The following LRTM1 variants were observed in gnomAD, a reference collection of about 807,000 sequenced individuals.
LRTM1 encodes leucine rich repeat transmembrane protein 1, also known as leucine-rich repeat and transmembrane domain-containing protein 1.
A neutral mutation model predicts 32.4 loss-of-function variants in LRTM1; 38 were observed. That is an observed-to-expected ratio of 1.17 (90% CI 0.91 to 1.54). The LOEUF is 1.54. Among genes scored for constraint, LRTM1 ranks in the 40% most tolerant of loss-of-function variants. LRTM1 has a pLI of 0.00. For missense variants in LRTM1, 466 were observed against 415.4 expected (o/e 1.12, Z -1.06); for synonymous variants, 186 against 169.9 (o/e 1.09, Z -0.74).
At chr3:54,955,102 C>T (rs1424781628) in intron 1 of LRTM1, among the ~76,000 whole-genome samples, 5 of 152,256 alleles carry the variant, frequency 3.3e-5, no homozygotes, top group South Asian at 4.2e-4. Context: ...ATTATTCGAA[C>T]GTACGTAACA....
intron 1 of LRTM1, among the ~76,000 whole-genome samples, chr3:54,944,814 GGTGTGTGTGT>G (rs34193625): frequency 9.0e-6 from 1 of 111,360 alleles, no homozygotes; most frequent in Admixed American, 8.2e-5. Context: ...TAGAGCTGGG[GGTGTGTGTGT>G]GTGTGTGTGT....
At chr3:54,926,996 C>T (rs1309326243) in intron 1 of LRTM1, among the ~76,000 whole-genome samples, 1 of 152,132 alleles carries the variant, frequency 6.6e-6, no homozygotes, top group Non-Finnish European at 1.5e-5. Context: ...CAAAATATGA[C>T]AAACATCTGC....
intron 1 of LRTM1, among the ~76,000 whole-genome samples, chr3:54,926,325 C>T (rs1701016178): frequency 6.6e-6 from 1 of 152,100 alleles, no homozygotes; most frequent in Admixed American, 6.6e-5. Context: ...GGAAGCTAGG[C>T]ACAGAAAAGC....
At chr3:54,936,590 T>C (rs900987667) in intron 1 of LRTM1, among the ~76,000 whole-genome samples, 1 of 152,146 alleles carries the variant, frequency 6.6e-6, no homozygotes, top group Non-Finnish European at 1.5e-5. Context: ...ATAGTGATGT[T>C]CTCATCTTTT....
At chr3:54,943,217 A>AAC (rs1701522199) in intron 1 of LRTM1, among the ~76,000 whole-genome samples, 1 of 151,082 alleles carries the variant, frequency 6.6e-6, no homozygotes, top group Non-Finnish European at 1.5e-5. Flanking sequence ...AAAAAAAAAA[A>AAC]TGAGAATAAT....
chr3:54,919,085 C>T (rs949684422), intron 2 of LRTM1, among the ~76,000 whole-genome samples, 193 bp from the exon 3 acceptor site: 2 of 151,768 alleles, frequency 1.3e-5, no homozygotes, highest in Non-Finnish European at 2.9e-5. Context: ...CTAAAAATGC[C>T]ACACACTAAA....
intron 1 of LRTM1, among the ~76,000 whole-genome samples, chr3:54,927,661 A>G (rs1220767674): frequency 6.6e-6 from 1 of 152,182 alleles, no homozygotes; most frequent in African/African-American, 2.4e-5. Flanking sequence ...CATGTTTCCT[A>G]TGAAATGGCC....
intron 1 of LRTM1, among the ~76,000 whole-genome samples, chr3:54,948,760 A>G: frequency 6.6e-6 from 1 of 152,228 alleles, no homozygotes; most frequent in Non-Finnish European, 1.5e-5. Context: ...TATGTGACAG[A>G]TCTCTATACA....
Position 54,918,853 on chromosome 3 carries a change from G to A in LRTM1, c.644C>T (p.Thr215Ile). The A allele has an allele frequency of 6.4e-7, 1 of 1,569,976 alleles. No individual in the cohort carries two copies. Among genetic ancestry groups the A allele is most frequent in the Admixed American group, 1.8e-5 (1 of 54,520 alleles). ...CCTAAGGAGGTCCTTTCCCTTCCAG[G>A]TGTCTGGTGATTCACAGATGATGCC... ...TDGIICESPD[T>I]WKGKDLLRIP... Residue 215 changes from threonine to isoleucine, a missense_variant, in exon 3 of 3, where the codon ACC (threonine) becomes ATC (isoleucine). Coordinates refer to ENST00000273286, the MANE Select transcript of LRTM1 (RefSeq NM_020678.4).
chr3:54,944,814 GGTGT>G lies in LRTM1; in HGVS notation c.-221-19603_-221-19600del, dbSNP rs34193625. On this transcript the variant is annotated intron_variant, in intron 1 of 2. Coordinates refer to the LRTM1 transcript ENST00000493075. ...TATATTGACTGTAGTTAGAGCTGGGGGTGTGTGTGTGTGTGTGTGTGTGTGTGTT... is the reference window on the plus strand; with the variant it reads ...TATATTGACTGTAGTTAGAGCTGGGGGTGTGTGTGTGTGTGTGTGTGTGTT... 6.3e-5 allele frequency among the ~76,000 whole-genome samples: 7 copies of G among 111,378 alleles called. No individual in the cohort carries two copies. The Middle Eastern group carries it at 0.014, about 215-fold the overall frequency. 73.1% of individuals were successfully genotyped at this position (111,378 alleles called of 152,430 possible). A position where few individuals can be genotyped will look rare whatever the true frequency, so the allele number is the denominator to read the frequency against.
At chr3:54,947,346 A>G (rs1701641940) in intron 1 of LRTM1, among the ~76,000 whole-genome samples, 1 of 152,148 alleles carries the variant, frequency 6.6e-6, no homozygotes, top group Admixed American at 6.5e-5. Context: ...ATGCAAACCT[A>G]AGAGACAGAA....
intron 2 of LRTM1, among the ~76,000 whole-genome samples, chr3:54,921,333 C>G (rs1432758185): frequency 6.6e-6 from 1 of 152,110 alleles, no homozygotes; most frequent in Non-Finnish European, 1.5e-5. Context: ...AATTCACTTC[C>G]CAAGATTGCT....
chr3:54,937,349 A>G (rs973736535), intron 1 of LRTM1, among the ~76,000 whole-genome samples: 6 of 152,288 alleles, frequency 3.9e-5, no homozygotes, highest in African/African-American at 7.2e-5. Context: ...TTATACCACT[A>G]TGCAAATACA....
intron 2 of LRTM1, among the ~76,000 whole-genome samples, chr3:54,920,804 C>T (rs1700823840): frequency 6.6e-6 from 1 of 152,232 alleles, no homozygotes; most frequent in Non-Finnish European, 1.5e-5. Flanking sequence ...CATCAGCTGA[C>T]TTCCACCTTG....
chr3:54,964,345 C>A (rs1407058157), intron 1 of LRTM1, among the ~76,000 whole-genome samples: 1 of 152,108 alleles, frequency 6.6e-6, no homozygotes, highest in Admixed American at 6.5e-5. Flanking sequence ...GCACTGTGAC[C>A]TCCGGGGAAA....
rs180976939 is a variant in LRTM1 at position 54,944,391 on chromosome 3, C to T, written c.-221-19176G>A. On this transcript the variant is annotated intron_variant, in intron 1 of 2. Transcript: ENST00000493075. Reference sequence around the variant, plus strand: ...TTTTGACTGTTTTATTTTAAATTTCCCAGGGTATTTATTTATTTATTTATT... The same window carrying T: ...TTTTGACTGTTTTATTTTAAATTTCTCAGGGTATTTATTTATTTATTTATT... 1.3e-3 allele frequency among the ~76,000 whole-genome samples: 194 copies of T among 148,350 alleles called. 1 individual carries two copies. The highest frequency in any genetic ancestry group is 5.2e-3 in the Admixed American group (77 of 14,886).
chr3:54,925,245 G>C, intron 1 of LRTM1, 30 bp from the exon 2 acceptor site: 1 of 1,569,568 alleles, frequency 6.4e-7, no homozygotes, highest in Non-Finnish European at 8.7e-7. Flanking sequence ...ATTGGGATAG[G>C]AACCAGTTTG....
At chr3:54,929,543 C>T (rs1360093864), upstream of LRTM1, among the ~76,000 whole-genome samples, 3 of 152,166 alleles carry the variant, frequency 2.0e-5, no homozygotes, top group Non-Finnish European at 2.9e-5. Flanking sequence ...TGGCCAAGCC[C>T]CTTGTCACCC....
At chr3:54,965,362 G>C (rs1702124857) in intron 1 of LRTM1, among the ~76,000 whole-genome samples, 1 of 152,032 alleles carries the variant, frequency 6.6e-6, no homozygotes, top group African/African-American at 2.4e-5. Context: ...TCTTTAAAAA[G>C]GTTCTCTCCC....
Sources: allele counts gnomAD v4.1 joint callset (sites outside exome capture counted in the v4.1 genomes callset), GRCh38; gene constraint gnomAD v4.1.1; transcripts MANE v1.5; gene names NCBI Gene and HGNC (gene_info 2026-07-23, HGNC 2026-07-21).